Variants in SCMH1 observed in about 807,000 individuals in gnomAD.
The protein encoded by SCMH1 is polycomb protein SCMH1.
Under a neutral mutation model 70.8 loss-of-function variants are expected in SCMH1, and 37 were observed. The observed-to-expected ratio is 0.52, with a 90% CI of 0.40 to 0.69. The LOEUF (loss-of-function observed/expected upper bound fraction) is 0.69, where lower values mean the gene tolerates loss of function less well. Ranked by LOEUF, SCMH1 falls within the 30% of genes least tolerant of loss-of-function variation. SCMH1 has a pLI of 0.00. For synonymous variants in SCMH1, 292 were observed against 307.4 expected (o/e 0.95, Z 0.52); for missense variants, 607 against 827.3 (o/e 0.73, Z 3.27).
rs931025559 is a variant in SCMH1, at chr1:41,057,879, G to T, written c.1106-8989C>A. ...CAGTGGCTCACACCTAGCACTTTGT[G>T]GGGGGTCAAGGCCAGTGGATTGAGT... On this transcript the variant is annotated intron_variant, in intron 10 of 14. Coordinates refer to ENST00000337495, the Ensembl canonical transcript of SCMH1. 5.3e-5 allele frequency among the ~76,000 whole-genome samples: 8 copies of T among 152,072 alleles called. No homozygotes were observed. In the East Asian group the frequency reaches 5.8e-4, roughly 11 times the overall value.
At chr1:41,099,852 T>G (rs1258754329) in intron 8 of SCMH1, among the ~76,000 whole-genome samples, 9 of 152,236 alleles carry the variant, frequency 5.9e-5, no homozygotes, top group Non-Finnish European at 1.0e-4. Context: ...GGACCTTGTA[T>G]GGGCTTGCTA....
chr1:41,229,437 G>A (rs931241436), intron 1 of SCMH1, among the ~76,000 whole-genome samples: 3 of 152,296 alleles, frequency 2.0e-5, no homozygotes, highest in Non-Finnish European at 4.4e-5. Context: ...CATGCCCTTT[G>A]TAGGGACATG....
chr1:41,163,918 C>T (rs749747575), intron 2 of SCMH1, among the ~76,000 whole-genome samples: 17 of 152,166 alleles, frequency 1.1e-4, no homozygotes, highest in Non-Finnish European at 2.1e-4. Context: ...CCACTTTCTA[C>T]TTTATAATCT....
chr1:41,036,939 A>T (rs536728858), intron 13 of SCMH1, among the ~76,000 whole-genome samples: 2 of 152,250 alleles, frequency 1.3e-5, no homozygotes, highest in South Asian at 4.1e-4. Context: ...TCCTTCTTGT[A>T]ATTTTCATAT....
chr1:41,113,141 G>C lies in SCMH1; in HGVS notation c.745+142C>G. On this transcript the variant is annotated intron_variant, in intron 8 of 14. Coordinates refer to ENST00000337495, the Ensembl canonical transcript of SCMH1. The surrounding 1 kb of genome is among the most constrained non-coding windows in gnomAD (Gnocchi z 4.3). ...TTTCTAATTGCTCCCTGGTAGACCT[G>C]GGTTTTTACCTAAGCTGCTGGCCCT... The C allele has an allele frequency of 9.8e-7, 1 of 1,018,166 alleles. No homozygotes were observed. Among genetic ancestry groups the C allele is most frequent in the East Asian group, 2.5e-5 (1 of 39,802 alleles). The allele number at this position is 1,018,166 out of a possible 1,614,324, so 63.1% of individuals were successfully genotyped here. A position where few individuals can be genotyped will look rare whatever the true frequency, so the allele number is the denominator to read the frequency against.
At chr1:41,200,260 A>T (rs1252569462) in intron 1 of SCMH1, among the ~76,000 whole-genome samples, 1 of 151,862 alleles carries the variant, frequency 6.6e-6, no homozygotes, top group African/African-American at 2.4e-5. Flanking sequence ...GGTGGATCAC[A>T]AGGTCAGGAG....
intron 1 of SCMH1, among the ~76,000 whole-genome samples, chr1:41,209,154 A>G (rs1242935252): frequency 1.3e-5 from 2 of 152,228 alleles, no homozygotes; most frequent in Non-Finnish European, 2.9e-5. Flanking sequence ...CACCCTCCCA[A>G]GACTAAACCA....
chr1:41,029,174 G>T (rs1644163059), intron 13 of SCMH1, among the ~76,000 whole-genome samples: 1 of 152,120 alleles, frequency 6.6e-6, no homozygotes, highest in South Asian at 2.1e-4. Flanking sequence ...TGGAGAATAG[G>T]TGACCTCATT....
At chr1:41,213,161 T>C (rs1447287015) in intron 1 of SCMH1, among the ~76,000 whole-genome samples, 1 of 152,190 alleles carries the variant, frequency 6.6e-6, no homozygotes, top group African/African-American at 2.4e-5. Flanking sequence ...ATTTGAAACA[T>C]ACTTGCATTC....
intron 10 of SCMH1, among the ~76,000 whole-genome samples, chr1:41,069,122 C>T (rs981835988): frequency 6.6e-6 from 1 of 152,020 alleles, no homozygotes; most frequent in South Asian, 2.1e-4. Context: ...TGTTGAGCAA[C>T]AAAGGAAAAG....
chr1:41,175,551 G>A (rs1647058910), intron 2 of SCMH1, among the ~76,000 whole-genome samples: 2 of 152,116 alleles, frequency 1.3e-5, no homozygotes, highest in Non-Finnish European at 2.9e-5. Flanking sequence ...TCTGTTTTGG[G>A]GGAGAACCCT....
At chr1:41,149,523 C>A (rs1415216583) in intron 5 of SCMH1, among the ~76,000 whole-genome samples, 1 of 152,056 alleles carries the variant, frequency 6.6e-6, no homozygotes, top group Non-Finnish European at 1.5e-5. Flanking sequence ...CTTTGCATGC[C>A]TGGTAGTCTT....
rs548927435 is a variant in SCMH1 at position 41,156,995 on chromosome 1, T to C, written c.106+3880A>G. On this transcript the variant is annotated intron_variant, in intron 4 of 14. Coordinates refer to ENST00000337495, the Ensembl canonical transcript of SCMH1. ...TTTTTGAGACAAAGCCTCACTCAGA[T>C]ACCCAGGATGGAGTGTGGTGGCACA... Among the ~76,000 whole-genome samples the C allele has an allele frequency of 4.2e-5, 6 of 141,790 alleles. No individual in the cohort carries two copies. In the South Asian group the frequency reaches 1.3e-3, roughly 32 times the overall value. The allele number at this position is 141,790 out of a possible 152,430, so 93.0% of individuals were successfully genotyped here. A position where few individuals can be genotyped will look rare whatever the true frequency, so the allele number is the denominator to read the frequency against.
intron 10 of SCMH1, among the ~76,000 whole-genome samples, chr1:41,050,194 G>C (rs1023143853): frequency 1.3e-5 from 2 of 152,278 alleles, no homozygotes; most frequent in Non-Finnish European, 1.5e-5. Context: ...AGTTGTCTCT[G>C]GAGTTGTTCT....
At chr1:41,046,722 C>T (rs779454035) in intron 11 of SCMH1, 124 bp from the exon 12 acceptor site, 1 of 734,464 alleles carries the variant, frequency 1.4e-6, no homozygotes, top group African/African-American at 1.7e-5. Flanking sequence ...ATCAGTGCCC[C>T]ACGTTTCCTC....
chr1:41,038,332 G>A (rs1645601015), intron 12 of SCMH1, among the ~76,000 whole-genome samples: 1 of 152,230 alleles, frequency 6.6e-6, no homozygotes, highest in African/African-American at 2.4e-5. Flanking sequence ...ACCCGAAGCA[G>A]ATTCCTCATG....
chr1:41,105,632 A>G (rs368247771), intron 8 of SCMH1, among the ~76,000 whole-genome samples: 2 of 152,210 alleles, frequency 1.3e-5, no homozygotes, highest in Admixed American at 1.3e-4. Flanking sequence ...AATAGTCACA[A>G]TAGGTGATAC....
intron 8 of SCMH1, among the ~76,000 whole-genome samples, chr1:41,087,486 G>T (rs938233604): frequency 1.3e-5 from 2 of 151,370 alleles, no homozygotes; most frequent in Admixed American, 1.3e-4. Flanking sequence ...AATCACACGG[G>T]TAAATGAGCA....
At chr1:41,175,135 T>G (rs935660528) in intron 2 of SCMH1, among the ~76,000 whole-genome samples, 8 of 152,222 alleles carry the variant, frequency 5.3e-5, no homozygotes, top group African/African-American at 1.9e-4. Context: ...TGGTATTTAT[T>G]GAAGAGATTA....
Sources: gnomAD v4.1 joint callset for allele counts (sites outside exome capture counted in the v4.1 genomes callset) on GRCh38, gnomAD v4.1.1 for gene constraint, Gnocchi (gnomAD v3.1) non-coding constraint, MANE v1.5 for transcripts, NCBI Gene and HGNC (gene_info 2026-07-23, HGNC 2026-07-21) for gene names.